SH3GL3: variants seen among roughly 807,000 people sequenced by gnomAD.
SH3GL3 encodes the protein SH3 domain containing GRB2 like 3, endophilin A3.
SH3GL3 carries 33 observed loss-of-function variants against 47.7 expected under a neutral mutation model. That is an observed-to-expected ratio of 0.69 (90% CI 0.52 to 0.92). The LOEUF (loss-of-function observed/expected upper bound fraction) is 0.92, where lower values mean the gene tolerates loss of function less well. SH3GL3 is among the 40% of genes least tolerant of loss of function. The pLI is 0.00. For synonymous variants in SH3GL3, 155 were observed against 148.8 expected (o/e 1.04, Z -0.30); for missense variants, 363 against 417.8 (o/e 0.87, Z 1.14).
intron 1 of SH3GL3, among the ~76,000 whole-genome samples, chr15:83,527,385 CTG>C (rs1323940874): frequency 6.6e-6 from 1 of 152,040 alleles, no homozygotes; most frequent in Non-Finnish European, 1.5e-5. Context: ...CTTTATATAT[CTG>C]GGTGCTTCGG....
downstream of SH3GL3, among the ~76,000 whole-genome samples, chr15:83,623,113 G>A (rs925563619): frequency 2.0e-5 from 3 of 152,152 alleles, no homozygotes; most frequent in Non-Finnish European, 2.9e-5. Flanking sequence ...CTCAATATAG[G>A]TTTCAAGTGT....
chr15:83,496,774 A>G (rs1390601762), intron 1 of SH3GL3, among the ~76,000 whole-genome samples: 1 of 152,116 alleles, frequency 6.6e-6, no homozygotes, highest in African/African-American at 2.4e-5. Flanking sequence ...GACTATTGTG[A>G]GCTTTCAGTC....
intron 1 of SH3GL3, among the ~76,000 whole-genome samples, chr15:83,466,327 G>T (rs1302482010): frequency 6.6e-6 from 1 of 152,050 alleles, no homozygotes; most frequent in Non-Finnish European, 1.5e-5. Context: ...TATGAATAAA[G>T]CTGCTATAAA....
intron 1 of SH3GL3, among the ~76,000 whole-genome samples, chr15:83,483,801 A>G: frequency 6.6e-6 from 1 of 152,216 alleles, no homozygotes; most frequent in African/African-American, 2.4e-5. Flanking sequence ...TGTGTGTGCC[A>G]GTCTGACCAG....
chr15:83,613,409 T>G (rs1367156331), intron 8 of SH3GL3, among the ~76,000 whole-genome samples: 3 of 152,202 alleles, frequency 2.0e-5, no homozygotes, highest in African/African-American at 7.2e-5. Context: ...AGTGGTTCCT[T>G]GCCAAGAATG....
At chr15:83,562,724 T>G (rs1421517456) in intron 2 of SH3GL3, among the ~76,000 whole-genome samples, 1 of 152,204 alleles carries the variant, frequency 6.6e-6, no homozygotes, top group Admixed American at 6.5e-5. Flanking sequence ...CAAGCTATAA[T>G]CACAAAGGCA....
downstream of SH3GL3, among the ~76,000 whole-genome samples, chr15:83,621,719 T>C (rs780799775): frequency 6.6e-6 from 1 of 152,184 alleles, no homozygotes; most frequent in Non-Finnish European, 1.5e-5. Flanking sequence ...TAAAAATCAC[T>C]ATACCTGTGA....
intron 1 of SH3GL3, among the ~76,000 whole-genome samples, chr15:83,513,814 G>A (rs1258703653): frequency 6.6e-6 from 1 of 152,126 alleles, no homozygotes; most frequent in African/African-American, 2.4e-5. Flanking sequence ...AATGAATAAG[G>A]ATCGTAAATG....
At chr15:83,581,467 T>C (rs2059826115) in intron 6 of SH3GL3, among the ~76,000 whole-genome samples, 1 of 152,208 alleles carries the variant, frequency 6.6e-6, no homozygotes, top group Non-Finnish European at 1.5e-5. Flanking sequence ...GCCTGAAGTC[T>C]AGACCTTGGA....
At chr15:83,580,255 GCTGGATTTC>G (rs2059796828) in intron 6 of SH3GL3, among the ~76,000 whole-genome samples, 1 of 152,196 alleles carries the variant, frequency 6.6e-6, no homozygotes, top group South Asian at 2.1e-4. Context: ...GCTGGGGAGG[GCTGGATTTC>G]CTGGCAGAAA....
chr15:83,520,513 A>G (rs2043161015), intron 1 of SH3GL3, among the ~76,000 whole-genome samples: 1 of 152,144 alleles, frequency 6.6e-6, no homozygotes, highest in Non-Finnish European at 1.5e-5. Flanking sequence ...AGTGGGAGAA[A>G]GCTGTCTTCC....
At chr15:83,474,848 A>G (rs979626574) in intron 1 of SH3GL3, among the ~76,000 whole-genome samples, 12 of 152,174 alleles carry the variant, frequency 7.9e-5, no homozygotes, top group African/African-American at 2.9e-4. Flanking sequence ...CTGTCAAGTC[A>G]TGATACAGAT....
At chr15:83,607,558 CT>C (rs961263630) in intron 8 of SH3GL3, among the ~76,000 whole-genome samples, 2 of 152,166 alleles carry the variant, frequency 1.3e-5, no homozygotes, top group African/African-American at 2.4e-5. Flanking sequence ...AACACTTGTT[CT>C]TTCTGAAGGG....
intron 1 of SH3GL3, among the ~76,000 whole-genome samples, chr15:83,456,853 A>C (rs536739565): frequency 2.0e-5 from 3 of 152,268 alleles, no homozygotes; most frequent in South Asian, 2.1e-4. Context: ...CAAATTTTTC[A>C]AGTGCATAGT....
In SH3GL3 at chr15:83,448,028, T is replaced by C. The variant is rs1324831235; in HGVS notation, c.45+450T>C. 6.6e-6 allele frequency among the ~76,000 whole-genome samples: 1 copy of C among 152,102 alleles called. No homozygotes were observed. Among genetic ancestry groups the C allele is most frequent in the Admixed American group, 6.5e-5 (1 of 15,278 alleles). ...CGGCCACCGGCGCCTCCAGAGATGC[T>C]GTGTATTTGGCGCTTGGCTGTGTCC... On this transcript the variant is annotated intron_variant, in intron 1 of 8. Transcript: ENST00000427482. This position sits in a 1 kb window ranked among gnomAD's most constrained non-coding sequence, Gnocchi z 4.2.
intron 8 of SH3GL3, 99 bp downstream of exon 8, chr15:83,588,870 C>A: frequency 1.5e-6 from 1 of 684,972 alleles, no homozygotes; most frequent in Non-Finnish European, 2.7e-6. Context: ...TACACACAGA[C>A]CCTGGATATC....
chr15:83,547,362 C>G (rs535782585), intron 1 of SH3GL3, among the ~76,000 whole-genome samples: 2 of 152,318 alleles, frequency 1.3e-5, no homozygotes, highest in African/African-American at 4.8e-5. Context: ...GCACTGAGTT[C>G]CAATGCAAAT....
intron 1 of SH3GL3, among the ~76,000 whole-genome samples, chr15:83,457,390 G>C (rs2151497785): frequency 6.6e-6 from 1 of 152,322 alleles, no homozygotes; most frequent in African/African-American, 2.4e-5. Flanking sequence ...TGCTTGTAGG[G>C]CAGAAAGAAG....
At chr15:83,560,216 A>G (rs373793930) in intron 2 of SH3GL3, among the ~76,000 whole-genome samples, 5 of 152,236 alleles carry the variant, frequency 3.3e-5, no homozygotes, top group Admixed American at 6.5e-5. Flanking sequence ...AGATGTCAGC[A>G]GGTGCTGGGG....
Sources: gnomAD v4.1 joint callset for allele counts (sites outside exome capture counted in the v4.1 genomes callset) on GRCh38, gnomAD v4.1.1 for gene constraint, Gnocchi (gnomAD v3.1) non-coding constraint, MANE v1.5 for transcripts, NCBI Gene and HGNC (gene_info 2026-07-23, HGNC 2026-07-21) for gene names.